Variants in DLGAP4 observed in about 807,000 individuals in gnomAD.
DLGAP4 encodes the protein disks large-associated protein 4.
A neutral mutation model predicts 86.9 loss-of-function variants in DLGAP4; 18 were observed. That is an observed-to-expected ratio of 0.21 (90% CI 0.14 to 0.31). The LOEUF (loss-of-function observed/expected upper bound fraction) is 0.31, where lower values mean the gene tolerates loss of function less well. DLGAP4 is among the 10% of genes least tolerant of loss of function. The pLI is 1.00. For missense variants in DLGAP4, 1,085 were observed against 1,362.6 expected, an observed-to-expected ratio of 0.80 and a Z score of 3.21; for synonymous variants, 548 against 574.3, an observed-to-expected ratio of 0.95 and a Z score of 0.65.
At chr20:36,467,270 A>G (rs932337536) in intron 7 of DLGAP4, among the ~76,000 whole-genome samples, 6 of 152,246 alleles carry the variant, frequency 3.9e-5, no homozygotes, top group African/African-American at 1.4e-4. Flanking sequence ...AGTGAGCATG[A>G]GCCAGAGGAA....
intron 10 of DLGAP4, chr20:36,508,422 CT>C (rs745815364): frequency 0.02 from 1,850 of 94,492 alleles, 2 homozygotes; most frequent in Non-Finnish European, 0.023. Flanking sequence ...TTTCAGGGTT[CT>C]TTTTTTTTTT....
intron 10 of DLGAP4, among the ~76,000 whole-genome samples, chr20:36,514,948 T>C (rs1293928409): frequency 1.3e-5 from 2 of 152,026 alleles, no homozygotes; most frequent in African/African-American, 4.8e-5. Context: ...AGCAGAGTCA[T>C]CACCTCAGGG....
At chr20:36,373,023 A>G (rs1019705111) in intron 2 of DLGAP4, among the ~76,000 whole-genome samples, 7 of 152,170 alleles carry the variant, frequency 4.6e-5, no homozygotes, top group African/African-American at 1.7e-4. Context: ...TGAAAAATAT[A>G]TATAAACATA....
intron 2 of DLGAP4, among the ~76,000 whole-genome samples, chr20:36,388,473 A>C (rs2031677075): frequency 6.6e-6 from 1 of 152,102 alleles, no homozygotes; most frequent in South Asian, 2.1e-4. Context: ...CTCAGAGAGC[A>C]GACATTTCCC....
intron 1 of DLGAP4, among the ~76,000 whole-genome samples, chr20:36,319,942 G>A (rs1342704541): frequency 6.6e-6 from 1 of 151,450 alleles, no homozygotes; most frequent in East Asian, 1.9e-4. Flanking sequence ...TGGATTCAAG[G>A]CCCCCTCCCC....
In DLGAP4 at chr20:36,378,635, C is replaced by T. The variant is rs960627861; in HGVS notation, c.-73+11360C>T. 1.3e-5 allele frequency among the ~76,000 whole-genome samples: 2 copies of T among 152,024 alleles called. 1 individual carries two copies. The highest frequency in any genetic ancestry group is 1.3e-4 in the Admixed American group (2 of 15,280). On this transcript the variant is annotated intron_variant, in intron 2 of 12. Transcript: ENST00000339266. ...ACACAGACACACGCACATGCATGCA[C>T]GCACGCACCTGTGTCCCAAAATCTC... is the stretch of plus-strand genomic sequence containing the variant.
chr20:36,353,602 G>A (rs539390371), intron 1 of DLGAP4, among the ~76,000 whole-genome samples: 11 of 152,368 alleles, frequency 7.2e-5, no homozygotes, highest in Admixed American at 2.6e-4. Context: ...CCCAGGAGCC[G>A]TACAGCTGGG....
At chr20:36,391,862 C>G (rs1435482045) in intron 2 of DLGAP4, among the ~76,000 whole-genome samples, 3 of 152,214 alleles carry the variant, frequency 2.0e-5, no homozygotes, top group Admixed American at 1.3e-4. Flanking sequence ...CATAGCTTTC[C>G]CATAGCCTGT....
At chr20:36,453,950 A>G (rs1433619120) in intron 7 of DLGAP4, among the ~76,000 whole-genome samples, 24 of 149,712 alleles carry the variant, frequency 1.6e-4, no homozygotes, top group Non-Finnish European at 3.3e-4. Flanking sequence ...AAAAAAAAAA[A>G]AAAAAAGAAA....
intron 7 of DLGAP4, among the ~76,000 whole-genome samples, chr20:36,483,497 G>T (rs1194037006): frequency 1.3e-5 from 2 of 152,178 alleles, no homozygotes; most frequent in East Asian, 3.9e-4. Flanking sequence ...TGTGTACTAT[G>T]AGAGAGTGAA....
intron 7 of DLGAP4, among the ~76,000 whole-genome samples, chr20:36,455,159 C>T (rs1030606240): frequency 6.6e-6 from 1 of 152,096 alleles, no homozygotes; most frequent in African/African-American, 2.4e-5. Context: ...TCCCTCCCTC[C>T]TCTTACTCTG....
intron 10 of DLGAP4, chr20:36,510,958 G>A (rs1344692512): frequency 1.3e-5 from 2 of 152,274 alleles, no homozygotes; most frequent in African/African-American, 4.8e-5. Flanking sequence ...AACTATTCTT[G>A]TATCTTCATT....
Position 36,497,002 on chromosome 20 carries a change from T to C in DLGAP4, c.1946T>C (p.Leu649Pro), listed in dbSNP as rs761272460. 5.4e-5 allele frequency: 87 copies of C among 1,613,994 alleles called. 1 individual carries two copies. In the South Asian group the frequency reaches 9.2e-4, roughly 17 times the overall value. ...GCTCTGAAAAGTGAACAAGGGACGCTGACCAGCTCTGAGTCCCACCCCGAG... is the reference window on the plus strand; with the variant it reads ...GCTCTGAAAAGTGAACAAGGGACGCCGACCAGCTCTGAGTCCCACCCCGAG... ...HAALKSEQGT[L>P]TSSESHPEAA... is the part of the protein sequence containing the mutation. Residue 649 changes from leucine (L) to proline (P), a missense_variant, in exon 8 of 13, where the codon CTG becomes CCG. This residue lies in a region of DLGAP4 where 1,082 missense variants were observed against 1,344.1 expected (regional missense o/e 0.81). Transcript: ENST00000339266.
At chr20:36,410,742 G>GAGGGACGT (rs1485100880) in intron 2 of DLGAP4, among the ~76,000 whole-genome samples, 2 of 152,202 alleles carry the variant, frequency 1.3e-5, no homozygotes, top group African/African-American at 4.8e-5. Flanking sequence ...AGCCATTCTT[G>GAGGGACGT]AGGGACGTGC....
At chr20:36,392,768 C>T (rs141159749) in intron 2 of DLGAP4, among the ~76,000 whole-genome samples, 131 of 152,278 alleles carry the variant, frequency 8.6e-4, no homozygotes, top group African/African-American at 2.9e-3. Flanking sequence ...TTGTAACAGA[C>T]GGGACCCAAC....
At chr20:36,452,790 G>A (rs1168103715) in intron 7 of DLGAP4, among the ~76,000 whole-genome samples, 9 of 150,546 alleles carry the variant, frequency 6.0e-5, no homozygotes, top group Non-Finnish European at 1.0e-4. Flanking sequence ...GATTACAGGC[G>A]TGAGCCACTG....
chr20:36,524,430 TC>T, intron 11 of DLGAP4, 89 bp downstream of exon 11: 1 of 1,116,822 alleles, frequency 9.0e-7, no homozygotes, highest in Non-Finnish European at 1.3e-6. Context: ...CTCTGTGCCC[TC>T]CTCTGTAACA....
intron 1 of DLGAP4, among the ~76,000 whole-genome samples, chr20:36,357,147 G>A (rs146226606): frequency 2.0e-5 from 3 of 152,158 alleles, no homozygotes; most frequent in Non-Finnish European, 4.4e-5. Context: ...CCTCGTGAGC[G>A]AGCCCCCACC....
At chr20:36,496,638 G>A (rs1389244385) in intron 7 of DLGAP4, 67 bp from the exon 8 acceptor site, 1 of 1,531,302 alleles carries the variant, frequency 6.5e-7, no homozygotes, top group African/African-American at 1.4e-5. Context: ...TGCATTGGAA[G>A]GGGCTTGAGA....
Sources: gnomAD v4.1 joint callset for allele counts (sites outside exome capture counted in the v4.1 genomes callset) on GRCh38, gnomAD v4.1.1 for gene constraint, gnomAD v4.1.1 regional missense constraint, MANE v1.5 for transcripts, NCBI Gene and HGNC (gene_info 2026-07-23, HGNC 2026-07-21) for gene names.